Variants in ZFAT observed in about 807,000 individuals in gnomAD.
The protein encoded by ZFAT is zinc finger and AT-hook domain containing.
In ZFAT, 64 loss-of-function variants were observed where a neutral mutation model predicts 117.7. That is an observed-to-expected ratio of 0.54 (90% CI 0.44 to 0.67). ZFAT has a LOEUF of 0.67. Ranked by LOEUF, ZFAT falls within the 30% of genes least tolerant of loss-of-function variation. ZFAT has a pLI of 0.00. For synonymous variants in ZFAT, 679 were observed against 615.0 expected, an observed-to-expected ratio of 1.10 and a Z score of -1.54; for missense variants, 1,433 against 1,584.5, an observed-to-expected ratio of 0.90 and a Z score of 1.62.
At chr8:134,691,865 C>A (rs1044924740) in intron 1 of ZFAT, among the ~76,000 whole-genome samples, 6 of 152,194 alleles carry the variant, frequency 3.9e-5, no homozygotes, top group Admixed American at 3.9e-4. Flanking sequence ...TATTTACCTG[C>A]ATTTCCTTTA....
At chr8:134,793,735 G>GGGGGGC in the ZFAT span, 1 of 151,940 alleles carries the variant, frequency 6.6e-6, no homozygotes, top group African/African-American at 2.4e-5. Flanking sequence ...AAGAGTCCGG[G>GGGGGGC]GGCTGGAGAC....
the ZFAT span, among the ~76,000 whole-genome samples, chr8:134,817,766 G>A: frequency 6.6e-6 from 1 of 151,982 alleles, no homozygotes; most frequent in African/African-American, 2.4e-5. Flanking sequence ...AAGAAAATTG[G>A]AAGACTACAT....
At chr8:134,630,937 G>A (rs184586622) in intron 3 of ZFAT, among the ~76,000 whole-genome samples, 4 of 152,254 alleles carry the variant, frequency 2.6e-5, no homozygotes, top group East Asian at 1.9e-4. Context: ...ACAATTACTC[G>A]AGAATTTTCC....
chr8:134,614,370 C>T (rs987430083), intron 3 of ZFAT, among the ~76,000 whole-genome samples: 8 of 152,160 alleles, frequency 5.3e-5, no homozygotes, highest in African/African-American at 1.4e-4. Flanking sequence ...CATTGCACAA[C>T]GTCCTGATCC....
intron 11 of ZFAT, among the ~76,000 whole-genome samples, chr8:134,556,030 G>A (rs1823578566): frequency 1.6e-5 from 1 of 62,662 alleles, no homozygotes; most frequent in Admixed American, 1.9e-4. Context: ...GAGGGAGGGA[G>A]AGAAGGAAGG....
intron 3 of ZFAT, among the ~76,000 whole-genome samples, chr8:134,617,819 C>T (rs1232743661): frequency 1.3e-5 from 2 of 152,180 alleles, no homozygotes; most frequent in African/African-American, 4.8e-5. Flanking sequence ...CAGATAGTCT[C>T]GACCGTGATT....
intron 1 of ZFAT, among the ~76,000 whole-genome samples, chr8:134,667,903 C>T (rs1832318938): frequency 6.6e-6 from 1 of 152,124 alleles, no homozygotes; most frequent in African/African-American, 2.4e-5. Flanking sequence ...CGGGTCACTC[C>T]CACCCTAATA....
At chr8:134,551,886 T>C (rs1278621447) in intron 11 of ZFAT, among the ~76,000 whole-genome samples, 1 of 152,172 alleles carries the variant, frequency 6.6e-6, no homozygotes, top group Non-Finnish European at 1.5e-5. Context: ...TATTTCATCA[T>C]CAGGAATGCA....
chr8:134,778,117 A>G, the ZFAT span, among the ~76,000 whole-genome samples: 5 of 152,260 alleles, frequency 3.3e-5, no homozygotes, highest in African/African-American at 4.8e-5. Context: ...AAATGTTTCT[A>G]TAACTTCCCA....
At chr8:134,793,948 A>G in the ZFAT span, 1 of 152,374 alleles carries the variant, frequency 6.6e-6, no homozygotes, top group Non-Finnish European at 1.5e-5. Flanking sequence ...TTACAAGACT[A>G]TAACATTCTC....
Position 134,514,976 on chromosome 8 carries a change from A to G in ZFAT, c.3235-2375T>C, listed in dbSNP as rs1820149956. ...CCTCCCCTAGCCCTCCACCCCCAAC[A>G]GGCCCTGGTGTGTGACGTTCCCCTC... On this transcript the variant is annotated intron_variant, in intron 13 of 15. Coordinates refer to ENST00000377838, the MANE Select transcript of ZFAT (RefSeq NM_020863.4). Among the ~76,000 whole-genome samples, 2 of 151,994 alleles carry G rather than the reference A, an allele frequency of 1.3e-5. 1 individual carries two copies.
At chr8:134,818,150 A>C in the ZFAT span, among the ~76,000 whole-genome samples, 2 of 152,238 alleles carry the variant, frequency 1.3e-5, no homozygotes, top group Non-Finnish European at 2.9e-5. Context: ...ATTAGATATC[A>C]AAATTAAAAC....
intron 12 of ZFAT, among the ~76,000 whole-genome samples, chr8:134,525,881 T>C (rs1187473335): frequency 4.6e-5 from 7 of 152,254 alleles, no homozygotes; most frequent in Admixed American, 3.3e-4. Context: ...AAGTCAAACA[T>C]ACTGTGCTGT....
At chr8:134,488,492 T>C (rs1298072089) in intron 15 of ZFAT, among the ~76,000 whole-genome samples, 5 of 152,126 alleles carry the variant, frequency 3.3e-5, no homozygotes, top group African/African-American at 1.2e-4. Flanking sequence ...GATGGGCCAT[T>C]TGTTGAATAA....
At chr8:134,825,111 T>C in the ZFAT span, among the ~76,000 whole-genome samples, 2 of 152,248 alleles carry the variant, frequency 1.3e-5, no homozygotes, top group Admixed American at 1.3e-4. Flanking sequence ...TGAAACTGTT[T>C]GTCTTCCTTA....
the ZFAT span, among the ~76,000 whole-genome samples, chr8:134,750,485 G>A: frequency 6.6e-6 from 1 of 151,928 alleles, no homozygotes; most frequent in Admixed American, 6.6e-5. Context: ...GTACAACATT[G>A]ACTAGAAGTA....
intron 12 of ZFAT, among the ~76,000 whole-genome samples, chr8:134,528,042 T>C (rs1821146213): frequency 6.6e-6 from 1 of 152,212 alleles, no homozygotes; most frequent in Non-Finnish European, 1.5e-5. Flanking sequence ...TACCAGCAAA[T>C]GTGGCCCAAT....
intron 15 of ZFAT, among the ~76,000 whole-genome samples, chr8:134,499,298 A>T (rs1214940411): frequency 7.6e-6 from 1 of 132,416 alleles, no homozygotes; most frequent in Admixed American, 7.3e-5. Context: ...GTTGCTGGTT[A>T]CACACAGAGC....
chr8:134,787,578 T>C, the ZFAT span, among the ~76,000 whole-genome samples: 3 of 152,216 alleles, frequency 2.0e-5, no homozygotes, highest in African/African-American at 7.2e-5. Flanking sequence ...CAGTGTTAAT[T>C]ACAACTACAC....
Sources: gnomAD v4.1 joint callset for allele counts (sites outside exome capture counted in the v4.1 genomes callset) on GRCh38, gnomAD v4.1.1 for gene constraint, MANE v1.5 for transcripts, NCBI Gene and HGNC (gene_info 2026-07-23, HGNC 2026-07-21) for gene names.